The following FHIT variants were observed in gnomAD, a reference collection of about 807,000 sequenced individuals.
FHIT encodes the protein bis(5'-adenosyl)-triphosphatase.
FHIT carries 19 observed loss-of-function variants against 17.9 expected under a neutral mutation model. That is an observed-to-expected ratio of 1.06 (90% CI 0.74 to 1.56). The LOEUF (loss-of-function observed/expected upper bound fraction) is 1.56, where lower values mean the gene tolerates loss of function less well. Among genes scored for constraint, FHIT ranks in the 40% most tolerant of loss-of-function variants. The pLI is 0.00. For synonymous variants in FHIT, 81 were observed against 69.7 expected (o/e 1.16, Z -0.81); for missense variants, 248 against 189.2 (o/e 1.31, Z -1.82).
chr3:60,531,188 A>G (rs1239173603), intron 5 of FHIT, among the ~76,000 whole-genome samples: 1 of 152,074 alleles, frequency 6.6e-6, no homozygotes, highest in East Asian at 1.9e-4. Flanking sequence ...GGGAAATTTT[A>G]AGAGCAAAAA....
chr3:60,407,677 G>A (rs1488897352), intron 5 of FHIT, among the ~76,000 whole-genome samples: 1 of 151,956 alleles, frequency 6.6e-6, no homozygotes, highest in East Asian at 1.9e-4. Context: ...ACCAGGCCTG[G>A]CTAAATTTTT....
At chr3:60,572,544 A>C (rs56053102) in intron 4 of FHIT, among the ~76,000 whole-genome samples, 8,154 of 152,176 alleles carry the variant, frequency 0.054, 708 homozygotes, top group African/African-American at 0.18. Flanking sequence ...ATGCATACAC[A>C]CACAGACACA....
chr3:59,770,833 G>A (rs551714641), intron 8 of FHIT, among the ~76,000 whole-genome samples: 6 of 152,218 alleles, frequency 3.9e-5, no homozygotes, highest in South Asian at 4.2e-4. Flanking sequence ...CAGGCCTTTC[G>A]GACTCCCATG....
chr3:60,913,665 C>A (rs1706853474), intron 3 of FHIT, among the ~76,000 whole-genome samples: 1 of 152,184 alleles, frequency 6.6e-6, no homozygotes, highest in Non-Finnish European at 1.5e-5. Flanking sequence ...ATTGGCAGGG[C>A]TCAGTGAGAC....
intron 4 of FHIT, among the ~76,000 whole-genome samples, chr3:60,660,883 T>C (rs2040232545): frequency 6.6e-6 from 1 of 151,712 alleles, no homozygotes; most frequent in African/African-American, 2.4e-5. Context: ...CTTTGTGTAA[T>C]ATGTGGTTTG....
At chr3:60,476,566 C>T (rs112930826) in intron 5 of FHIT, among the ~76,000 whole-genome samples, 1 of 152,092 alleles carries the variant, frequency 6.6e-6, no homozygotes, top group Non-Finnish European at 1.5e-5. Context: ...GCTGGGAGCA[C>T]TGACTAGGGA....
chr3:60,428,166 A>T (rs1325672069), intron 5 of FHIT, among the ~76,000 whole-genome samples: 2 of 152,158 alleles, frequency 1.3e-5, no homozygotes, highest in Non-Finnish European at 2.9e-5. Context: ...AGTCCAATAC[A>T]TGTAAGTTTC....
intron 5 of FHIT, among the ~76,000 whole-genome samples, chr3:60,358,413 G>A (rs923284327): frequency 2.0e-5 from 3 of 151,554 alleles, no homozygotes; most frequent in African/African-American, 7.3e-5. Flanking sequence ...GGAAGATGAG[G>A]AAGAAAAAAG....
At chr3:61,129,115 A>G (rs1383974679) in intron 2 of FHIT, among the ~76,000 whole-genome samples, 1 of 152,194 alleles carries the variant, frequency 6.6e-6, no homozygotes, top group East Asian at 1.9e-4. Flanking sequence ...CTTGAGTCCA[A>G]AAAGACTATG....
intron 5 of FHIT, among the ~76,000 whole-genome samples, chr3:60,483,156 A>G (rs1170908937): frequency 6.6e-6 from 1 of 152,204 alleles, no homozygotes; most frequent in Non-Finnish European, 1.5e-5. Flanking sequence ...GAACAGACCA[A>G]TAATAAGTTC....
At chr3:60,494,508 T>C (rs1395035361) in intron 5 of FHIT, among the ~76,000 whole-genome samples, 3 of 152,174 alleles carry the variant, frequency 2.0e-5, no homozygotes, top group African/African-American at 7.2e-5. Context: ...AAATGTACAA[T>C]TAAATCATTA....
intron 5 of FHIT, among the ~76,000 whole-genome samples, chr3:60,442,308 G>A (rs1034073638): frequency 6.6e-6 from 1 of 152,082 alleles, no homozygotes; most frequent in Non-Finnish European, 1.5e-5. Flanking sequence ...AGAACTTCTG[G>A]TGGTGGGAAG....
chr3:61,028,372 G>A (rs2032843521), intron 3 of FHIT, among the ~76,000 whole-genome samples: 1 of 152,146 alleles, frequency 6.6e-6, no homozygotes, highest in South Asian at 2.1e-4. Flanking sequence ...AAAAGGCACA[G>A]CACTGATAGA....
At chr3:61,204,670 A>T (rs2039151381) in intron 1 of FHIT, among the ~76,000 whole-genome samples, 1 of 152,212 alleles carries the variant, frequency 6.6e-6, no homozygotes. Context: ...GTTGTTTATA[A>T]GAAACAAATT....
intron 2 of FHIT, among the ~76,000 whole-genome samples, chr3:61,161,154 G>A: frequency 7.0e-6 from 1 of 141,978 alleles, no homozygotes; most frequent in African/African-American, 2.6e-5. Flanking sequence ...AAAAAAAAAA[G>A]ATACAGATTT....
intron 4 of FHIT, among the ~76,000 whole-genome samples, chr3:60,811,485 T>C (rs532737288): frequency 1.1e-3 from 171 of 152,356 alleles, no homozygotes; most frequent in African/African-American, 3.9e-3. Context: ...GCTAAATGTA[T>C]GTTTGCAACT....
At chr3:60,993,267 T>C (rs1329372153) in intron 3 of FHIT, among the ~76,000 whole-genome samples, 1 of 152,246 alleles carries the variant, frequency 6.6e-6, no homozygotes, top group Admixed American at 6.5e-5. Context: ...ACATAATTGA[T>C]TGCCTTTAGT....
intron 8 of FHIT, among the ~76,000 whole-genome samples, chr3:59,853,251 CTCA>C (rs1459002791): frequency 2.0e-5 from 3 of 152,150 alleles, no homozygotes; most frequent in African/African-American, 7.2e-5. Context: ...TGTTTGAACA[CTCA>C]TTTTTGAAAT....
intron 7 of FHIT, among the ~76,000 whole-genome samples, chr3:60,004,116 ACT>A (rs756091209): frequency 3.7e-4 from 56 of 152,126 alleles, no homozygotes; most frequent in African/African-American, 1.3e-3. Context: ...CAAAGGTAAG[ACT>A]CTGACTGAAT....
Sources: gnomAD v4.1 joint callset for allele counts (sites outside exome capture counted in the v4.1 genomes callset) on GRCh38, gnomAD v4.1.1 for gene constraint, MANE v1.5 for transcripts, NCBI Gene and HGNC (gene_info 2026-07-23, HGNC 2026-07-21) for gene names.